The following KCNMA1 variants were observed in gnomAD, a reference collection of about 807,000 sequenced individuals.
The protein encoded by KCNMA1 is Calcium-activated potassium channel subunit alpha-1.
Under a neutral mutation model 140.0 loss-of-function variants are expected in KCNMA1, and 29 were observed. That is an observed-to-expected ratio of 0.21 (90% CI 0.15 to 0.28). The LOEUF is 0.28. Among genes scored for constraint, KCNMA1 ranks in the 10% least tolerant of loss-of-function variants. The pLI, the probability that KCNMA1 is intolerant of heterozygous loss-of-function variation, is 1.00. For synonymous variants in KCNMA1, 612 were observed against 611.9 expected, an observed-to-expected ratio of 1.00 and a Z score of 0.00; for missense variants, 880 against 1,602.2, an observed-to-expected ratio of 0.55 and a Z score of 7.70.
intron 15 of KCNMA1, among the ~76,000 whole-genome samples, chr10:77,031,232 A>C (rs1001130153): frequency 3.3e-5 from 5 of 152,224 alleles, no homozygotes; most frequent in African/African-American, 1.2e-4. Context: ...TTTTTAAAAA[A>C]CTGTAAATAG....
chr10:77,272,767 T>C (rs761078214), intron 2 of KCNMA1, among the ~76,000 whole-genome samples: 34 of 152,190 alleles, frequency 2.2e-4, no homozygotes, highest in Non-Finnish European at 4.4e-5. Context: ...TGTTAGATCA[T>C]TAAGTTGGTT....
At chr10:77,558,716 A>T (rs1007846943) in intron 1 of KCNMA1, among the ~76,000 whole-genome samples, 1 of 152,162 alleles carries the variant, frequency 6.6e-6, no homozygotes, top group Non-Finnish European at 1.5e-5. Context: ...GCTGCATCTC[A>T]TCTGAAGAGA....
intron 2 of KCNMA1, among the ~76,000 whole-genome samples, chr10:77,365,389 T>C (rs933771326): frequency 2.0e-5 from 3 of 152,236 alleles, no homozygotes; most frequent in Non-Finnish European, 2.9e-5. Context: ...TTTAGTTGAC[T>C]TCTTCAAGAT....
chr10:77,250,654 T>C (rs780933504), intron 3 of KCNMA1: 1 of 171,978 alleles, frequency 5.8e-6, no homozygotes, highest in African/African-American at 2.4e-5. Flanking sequence ...AACTCCTCCA[T>C]CCATCTCCTT....
chr10:77,050,303 CA>C (rs549985342), intron 14 of KCNMA1, among the ~76,000 whole-genome samples: 22 of 144,468 alleles, frequency 1.5e-4, no homozygotes, highest in Admixed American at 4.1e-4. Flanking sequence ...AACAAAAAAA[CA>C]AAAAAAAAAC....
chr10:77,333,587 G>A (rs2087556739), intron 2 of KCNMA1, among the ~76,000 whole-genome samples: 2 of 152,128 alleles, frequency 1.3e-5, no homozygotes, highest in African/African-American at 2.4e-5. Context: ...TAATGGAATG[G>A]CAACATTTTT....
At chr10:77,473,475 C>A (rs1179816162) in intron 1 of KCNMA1, among the ~76,000 whole-genome samples, 1 of 152,222 alleles carries the variant, frequency 6.6e-6, no homozygotes, top group African/African-American at 2.4e-5. Flanking sequence ...TTCTGTCCAT[C>A]CCCAGGGGGA....
chr10:77,412,364 C>T (rs995328703), intron 1 of KCNMA1, among the ~76,000 whole-genome samples: 1 of 152,224 alleles, frequency 6.6e-6, no homozygotes, highest in African/African-American at 2.4e-5. Flanking sequence ...CCCACCCTCT[C>T]CCTGGCCACT....
At chr10:77,076,502 C>G (rs2096401901) in intron 13 of KCNMA1, among the ~76,000 whole-genome samples, 1 of 152,118 alleles carries the variant, frequency 6.6e-6, no homozygotes. Context: ...TCTCGGGAAC[C>G]ACAGTTTGGT....
In KCNMA1 at chr10:77,398,078, G is replaced by GTA. The variant is rs1371691135; in HGVS notation, c.540+5782_540+5783dup. 2.7e-5 allele frequency among the ~76,000 whole-genome samples: 4 copies of GTA among 150,784 alleles called. No homozygotes were observed. The East Asian group carries it at 5.8e-4, about 22-fold the overall frequency. On this transcript the variant is annotated intron_variant, in intron 2 of 27. Coordinates refer to ENST00000286628, the MANE Select transcript of KCNMA1 (RefSeq NM_001161352.2). ...TGTGTGTATGTGTGTGTGTGTGTGT[G>GTA]TATTTTTTTTTTCTTTATTTAATCA...
At chr10:77,142,042 A>G (rs1452728163) in intron 5 of KCNMA1, among the ~76,000 whole-genome samples, 1 of 152,166 alleles carries the variant, frequency 6.6e-6, no homozygotes, top group Admixed American at 6.5e-5. Context: ...TCATAACTGT[A>G]ATTAACAATT....
intron 2 of KCNMA1, among the ~76,000 whole-genome samples, chr10:77,258,968 AAT>A (rs1555089503): frequency 6.6e-6 from 1 of 152,100 alleles, no homozygotes. Context: ...GTCTCAAAAA[AAT>A]ATATATATAA....
rs141573740 is a variant in KCNMA1 at position 77,439,062 on chromosome 10, C to T, written c.379-35039G>A. On this transcript the variant is annotated intron_variant, in intron 1 of 27. Coordinates refer to ENST00000286628, the MANE Select transcript of KCNMA1 (RefSeq NM_001161352.2). ...CTCCAGCCTGGGCGACAGAGCGAGACTCTCTCAAAAAAAGAAAGAAAAGAA... is the reference window on the plus strand; with the variant it reads ...CTCCAGCCTGGGCGACAGAGCGAGATTCTCTCAAAAAAAGAAAGAAAAGAA... 2.9e-3 allele frequency among the ~76,000 whole-genome samples: 408 copies of T among 139,070 alleles called. 6 individuals carry two copies. Among genetic ancestry groups the T allele is most frequent in the East Asian group, 7.3e-3 (34 of 4,676 alleles). The allele number at this position is 139,070 out of a possible 152,430, so 91.2% of individuals were successfully genotyped here. A position where few individuals can be genotyped will look rare whatever the true frequency, so the allele number is the denominator to read the frequency against.
At chr10:77,029,030 G>T (rs1271513911) in intron 15 of KCNMA1, among the ~76,000 whole-genome samples, 1 of 151,970 alleles carries the variant, frequency 6.6e-6, no homozygotes, top group Non-Finnish European at 1.5e-5. Flanking sequence ...AATATTTCAA[G>T]ATATAAGATC....
chr10:76,952,485 C>A (rs2066658561), intron 21 of KCNMA1, among the ~76,000 whole-genome samples: 1 of 152,128 alleles, frequency 6.6e-6, no homozygotes, highest in South Asian at 2.1e-4. Flanking sequence ...GCTCTGCACT[C>A]CAGCCTGGCG....
At chr10:77,633,666 T>C (rs2093447064) in intron 1 of KCNMA1, among the ~76,000 whole-genome samples, 1 of 152,206 alleles carries the variant, frequency 6.6e-6, no homozygotes, top group African/African-American at 2.4e-5. Context: ...CGTGTTGTTT[T>C]CTCAGGCACA....
chr10:77,542,453 A>G (rs573878997), intron 1 of KCNMA1, among the ~76,000 whole-genome samples: 1 of 152,352 alleles, frequency 6.6e-6, no homozygotes, highest in East Asian at 1.9e-4. Flanking sequence ...CTTAGGGGAA[A>G]CTTAAAATGG....
At chr10:77,360,821 C>T (rs1326758719) in intron 2 of KCNMA1, among the ~76,000 whole-genome samples, 2 of 152,176 alleles carry the variant, frequency 1.3e-5, no homozygotes, top group African/African-American at 2.4e-5. Flanking sequence ...CAGTCGGAAT[C>T]TCTGCAGGCC....
intron 5 of KCNMA1, 32 bp from the exon 6 acceptor site, chr10:77,121,080 T>C (rs750593799): frequency 1.6e-6 from 2 of 1,277,638 alleles, no homozygotes; most frequent in South Asian, 1.2e-5. Flanking sequence ...AGATGCATTA[T>C]TTTCAATGTG....
Sources: gnomAD v4.1 joint callset for allele counts (sites outside exome capture counted in the v4.1 genomes callset) on GRCh38, gnomAD v4.1.1 for gene constraint, MANE v1.5 for transcripts, NCBI Gene and HGNC (gene_info 2026-07-23, HGNC 2026-07-21) for gene names.